PFKL: variants seen among roughly 807,000 people sequenced by gnomAD.
PFKL encodes the protein phosphofructokinase, liver type.
PFKL carries 74 observed loss-of-function variants against 92.1 expected under a neutral mutation model. The observed-to-expected ratio is 0.80, with a 90% CI of 0.67 to 0.97. The LOEUF is 0.97. PFKL is among the 50% of genes least tolerant of loss of function. PFKL has a pLI of 0.00. For missense variants in PFKL, 1,028 were observed against 1,116.6 expected (o/e 0.92, Z 1.13); for synonymous variants, 494 against 456.4 (o/e 1.08, Z -1.05).
intron 19 of PFKL, 138 bp downstream of exon 19, chr21:44,325,402 G>C: frequency 1.5e-6 from 1 of 647,138 alleles, no homozygotes; most frequent in South Asian, 1.7e-5. Context: ...CCCTTCCCCA[G>C]TGAGGGGACC....
At chr21:44,300,238 C>A in intron 1 of PFKL, 48 bp downstream of exon 1, 1 of 932,686 alleles carries the variant, frequency 1.1e-6, no homozygotes, top group Non-Finnish European at 1.3e-6. Flanking sequence ...TGGAGGGCGC[C>A]TCCGCCCTGG....
intron 13 of PFKL, 71 bp from the exon 14 acceptor site, chr21:44,322,062 A>C: frequency 6.6e-7 from 1 of 1,522,198 alleles, no homozygotes; most frequent in Non-Finnish European, 8.9e-7. Flanking sequence ...GCCCCCGGGC[A>C]CAGGCCCACC....
At chr21:44,326,340 A>T in intron 21 of PFKL, 76 bp downstream of exon 21, 1 of 1,143,410 alleles carries the variant, frequency 8.7e-7, no homozygotes, top group Non-Finnish European at 1.3e-6. Context: ...CAGGTGTGCC[A>T]GGCCCAGCCC....
chr21:44,322,212 C>G lies in PFKL; in HGVS notation c.1409+9C>G, dbSNP rs1434385187. On this transcript the variant is annotated intron_variant, in intron 14 of 21. Coordinates refer to ENST00000349048, the MANE Select transcript of PFKL (RefSeq NM_002626.6). ...ATGCTGGGGACCAAGAGGTGAGCTG[C>G]CTGCTGCGGGTACCTGGGGGCAGGA... 1 of 1,597,534 alleles carries G rather than the reference C, an allele frequency of 6.3e-7. No homozygotes were observed. The highest frequency in any genetic ancestry group is 1.3e-5 in the African/African-American group (1 of 74,756).
chr21:44,322,698 G>C (rs2276251), intron 14 of PFKL, among the ~76,000 whole-genome samples: 24,110 of 152,250 alleles, frequency 0.16, 2,312 homozygotes, highest in South Asian at 0.27. Context: ...CGGGCAGGAA[G>C]GGGTTCCCAC....
intron 1 of PFKL, chr21:44,305,445 AG>A (rs1601996067): frequency 4.2e-5 from 27 of 641,152 alleles, no homozygotes; most frequent in Non-Finnish European, 5.6e-5. Flanking sequence ...CTGCAAGTAC[AG>A]GGGGGTGGGA....
Position 44,326,159 on chromosome 21 carries a change from G to A in PFKL, c.2090G>A (p.Gly697Glu). ...SEKLREVYRKGRVFANAPDSA... is the reference protein window; with the variant it reads ...SEKLREVYRKERVFANAPDSA... ...GGCTGCCACGTGCCTCTGTTTGCAGGACGGGTGTTCGCCAATGCCCCAGAC... is the reference window on the plus strand; with the variant it reads ...GGCTGCCACGTGCCTCTGTTTGCAGAACGGGTGTTCGCCAATGCCCCAGAC... Residue 697 changes from glycine (G) to glutamate (E), a missense_variant and splice_region_variant, in exon 21 of 22, where the codon GGA (glycine) becomes GAA (glutamate). Transcript: ENST00000349048. The A allele has an allele frequency of 6.2e-7, 1 of 1,612,250 alleles. No individual in the cohort carries two copies. Among genetic ancestry groups the A allele is most frequent in the African/African-American group, 1.3e-5 (1 of 75,036 alleles).
intron 1 of PFKL, among the ~76,000 whole-genome samples, chr21:44,300,628 G>T (rs544180789): frequency 1.3e-5 from 2 of 152,340 alleles, no homozygotes; most frequent in East Asian, 3.9e-4. Flanking sequence ...TCCCGGCTGG[G>T]CGGGGGCGGA....
At chr21:44,308,703 A>G (rs2041027186) in intron 2 of PFKL, among the ~76,000 whole-genome samples, 1 of 151,928 alleles carries the variant, frequency 6.6e-6, no homozygotes, top group Non-Finnish European at 1.5e-5. Flanking sequence ...CTGGGATTAC[A>G]GGCACCCACC....
chr21:44,325,816 A>G, intron 19 of PFKL, 145 bp from the exon 20 acceptor site: 1 of 622,332 alleles, frequency 1.6e-6, no homozygotes, highest in Non-Finnish European at 2.9e-6. Context: ...GATCGGGAAC[A>G]GACGGGAACG....
chr21:44,313,717 G>C (rs373002170), intron 6 of PFKL, 35 bp downstream of exon 6: 4 of 1,592,508 alleles, frequency 2.5e-6, no homozygotes. Flanking sequence ...TGGGTGGCCC[G>C]GGTGCTGCTG....
At chr21:44,324,275 C>G in intron 16 of PFKL, 3 of 603,498 alleles carry the variant, frequency 5.0e-6, no homozygotes, top group Non-Finnish European at 8.8e-6. Flanking sequence ...GGCTGCTGTC[C>G]ACTGTGCCCT....
intron 1 of PFKL, chr21:44,304,451 C>A (rs1438479934): frequency 6.6e-6 from 8 of 1,211,348 alleles, no homozygotes; most frequent in Non-Finnish European, 8.4e-6. Context: ...TGCTGCCTGC[C>A]AGAGGTGGGC....
At chr21:44,311,127 G>C (rs758725957) in intron 3 of PFKL, 44 bp downstream of exon 3, 1 of 1,502,380 alleles carries the variant, frequency 6.7e-7, no homozygotes, top group Non-Finnish European at 9.2e-7. Context: ...TGGACTCGCA[G>C]ACAGACACAC....
In PFKL at chr21:44,324,782, GC is replaced by G. The variant is rs535105069; in HGVS notation, c.1816-70del. On this transcript the variant is annotated intron_variant, in intron 17 of 21. Coordinates refer to ENST00000349048, the MANE Select transcript of PFKL (RefSeq NM_002626.6). The stretch of plus-strand genomic sequence containing the variant: ...GACGCGTAGCCCAGTGCTCCTGCTG[GC>G]CCCGGATCGCCGGTCAGCCTGGAAT... 391 of 1,578,804 alleles carry G rather than the reference GC, an allele frequency of 2.5e-4. 2 individuals carry two copies. In the African/African-American group the frequency reaches 4.4e-3, roughly 18 times the overall value.
chr21:44,300,463 G>C (rs1022288578), intron 1 of PFKL, among the ~76,000 whole-genome samples: 1 of 152,152 alleles, frequency 6.6e-6, no homozygotes, highest in Non-Finnish European at 1.5e-5. Context: ...ACTCTGGGCC[G>C]CGGGGCAGGA....
In PFKL at chr21:44,321,719, C is replaced by A. The variant is rs763676702; in HGVS notation, c.1192-10C>A. 6.5e-7 allele frequency: 1 copy of A among 1,548,042 alleles called. No homozygotes were observed. The highest frequency in any genetic ancestry group is 1.2e-5 in the South Asian group (1 of 81,204). Reference sequence around the variant, plus strand: ...CTGTGCCTCACGCTCATCTCCCCTTCTCTCTGAAGTCTAACTTCTCCCTGG... The same window carrying A: ...CTGTGCCTCACGCTCATCTCCCCTTATCTCTGAAGTCTAACTTCTCCCTGG... On this transcript the variant is annotated splice_polypyrimidine_tract_variant and intron_variant, in intron 12 of 21. Transcript: ENST00000349048.
At chr21:44,319,069 G>A (rs1196381338) in intron 10 of PFKL, among the ~76,000 whole-genome samples, 1 of 152,154 alleles carries the variant, frequency 6.6e-6, no homozygotes, top group Non-Finnish European at 1.5e-5. Flanking sequence ...GGCTCGGTGG[G>A]TTTGGAGGCC....
intron 9 of PFKL, 30 bp downstream of exon 9, chr21:44,316,554 G>A (rs778177943): frequency 2.4e-5 from 37 of 1,526,746 alleles, no homozygotes; most frequent in South Asian, 1.8e-4. Flanking sequence ...CCCTGCGTAC[G>A]TGCGTGGGTA....
Sources: gnomAD v4.1 joint callset for allele counts (sites outside exome capture counted in the v4.1 genomes callset) on GRCh38, gnomAD v4.1.1 for gene constraint, MANE v1.5 for transcripts, NCBI Gene and HGNC (gene_info 2026-07-23, HGNC 2026-07-21) for gene names.